CEP192: variants seen among roughly 807,000 people sequenced by gnomAD.
CEP192 encodes the protein centrosomal protein 192, also known as centrosomal protein of 192 kDa.
In CEP192, 151 loss-of-function variants were observed where a neutral mutation model predicts 271.8. The observed-to-expected ratio is 0.56, with a 90% CI of 0.49 to 0.64. The LOEUF (loss-of-function observed/expected upper bound fraction) is 0.64, where lower values mean the gene tolerates loss of function less well. Among genes scored for constraint, CEP192 ranks in the 30% least tolerant of loss-of-function variants. The probability of loss-of-function intolerance (pLI) is 0.00; values close to 1 mark genes in which losing one functional copy is unlikely to be tolerated. For missense variants in CEP192, 2,910 were observed against 3,020.5 expected, an observed-to-expected ratio of 0.96 and a Z score of 0.86; for synonymous variants, 995 against 1,076.5, an observed-to-expected ratio of 0.92 and a Z score of 1.48.
intron 30 of CEP192, among the ~76,000 whole-genome samples, chr18:13,086,169 G>A (rs2038887932): frequency 6.6e-6 from 1 of 152,164 alleles, no homozygotes; most frequent in Non-Finnish European, 1.5e-5. Context: ...GTTTACTCAT[G>A]ATTTGGCCCT....
intron 44 of CEP192, among the ~76,000 whole-genome samples, chr18:13,120,466 G>T (rs142796916): frequency 1.5e-3 from 226 of 152,268 alleles, no homozygotes; most frequent in South Asian, 1.9e-3. Context: ...CTGCATTCCT[G>T]TGCAGCCTGT....
intron 28 of CEP192, among the ~76,000 whole-genome samples, chr18:13,071,531 CA>C (rs2038013755): frequency 6.6e-6 from 1 of 152,150 alleles, no homozygotes; most frequent in Non-Finnish European, 1.5e-5. Context: ...AGAGAATATG[CA>C]GTACATCCAT....
chr18:13,090,926 A>G (rs745966703), intron 33 of CEP192, among the ~76,000 whole-genome samples: 4 of 152,306 alleles, frequency 2.6e-5, no homozygotes, highest in Non-Finnish European at 4.4e-5. Context: ...CCATATAGCA[A>G]CAGTCCTCTC....
intron 44 of CEP192, among the ~76,000 whole-genome samples, chr18:13,120,803 C>T (rs2040624914): frequency 6.6e-6 from 1 of 152,178 alleles, no homozygotes; most frequent in African/African-American, 2.4e-5. Flanking sequence ...TTAATAGCAG[C>T]AGTTCATTGT....
chr18:13,030,426 A>C, intron 10 of CEP192, 39 bp from the exon 11 acceptor site: 2 of 1,492,150 alleles, frequency 1.3e-6, no homozygotes, highest in Non-Finnish European at 1.8e-6. Flanking sequence ...TTTAGTTGTT[A>C]CATGTGTCAT....
chr18:13,001,425 C>T lies in CEP192; in HGVS notation c.165-32C>T, dbSNP rs569650034. ...ACATTTAAATATGTGTAATTTAATT[C>T]TTAACAATTAAAACAAATTTTTTTT... is the stretch of plus-strand genomic sequence containing the variant. On this transcript the variant is annotated intron_variant, in intron 2 of 44. Coordinates refer to ENST00000506447, the MANE Select transcript of CEP192 (RefSeq NM_032142.4). The T allele has an allele frequency of 1.9e-5, 27 of 1,437,298 alleles. 1 individual carries two copies. In the South Asian group the frequency reaches 3.4e-4, roughly 18 times the overall value. The allele number at this position is 1,437,298 out of a possible 1,614,324, so 89.0% of individuals were successfully genotyped here. A position where few individuals can be genotyped will look rare whatever the true frequency, so the allele number is the denominator to read the frequency against.
Position 13,048,969 on chromosome 18 carries a change from A to G in CEP192, c.2178A>G (p.Ser726=). The change falls in exon 16 of 45, where the codon TCA becomes TCG. Residue 726 remains serine (S), a synonymous_variant. Coordinates refer to ENST00000506447, the MANE Select transcript of CEP192 (RefSeq NM_032142.4). ...STIASAIAEA[S]VNTDPSQLAA... is the part of the protein sequence containing the mutation. The stretch of plus-strand genomic sequence containing the variant: ...TTGCTTCAGCCATTGCAGAGGCATC[A>G]GTTAATACTGATCCTTCCCAACTTG... 1.2e-6 allele frequency: 2 copies of G among 1,614,032 alleles called. No individual in the cohort carries two copies. Among genetic ancestry groups the G allele is most frequent in the Non-Finnish European group, 1.7e-6 (2 of 1,179,868 alleles).
intron 21 of CEP192, among the ~76,000 whole-genome samples, chr18:13,060,905 C>G (rs2037374863): frequency 6.8e-6 from 1 of 147,906 alleles, no homozygotes; most frequent in Admixed American, 6.8e-5. Context: ...GCCTGGGCAA[C>G]AGAGCGAGAC....
At chr18:13,085,741 C>G (rs1480928143) in intron 30 of CEP192, among the ~76,000 whole-genome samples, 1 of 151,942 alleles carries the variant, frequency 6.6e-6, no homozygotes, top group African/African-American at 2.4e-5. Flanking sequence ...CTATTCTGTT[C>G]CATTTGTCTG....
chr18:13,123,624 C>T (rs1428487418), intron 44 of CEP192, among the ~76,000 whole-genome samples: 1 of 152,122 alleles, frequency 6.6e-6, no homozygotes, highest in Non-Finnish European at 1.5e-5. Flanking sequence ...AGAACTTTCA[C>T]TTAAAAACGC....
chr18:13,058,907 T>C, intron 20 of CEP192, 175 bp from the exon 21 acceptor site: 2 of 597,962 alleles, frequency 3.3e-6, no homozygotes, highest in Non-Finnish European at 5.9e-6. Flanking sequence ...AGGAAGCATT[T>C]GACTCGTTGT....
At chr18:13,070,825 C>T (rs1028977635) in intron 27 of CEP192, among the ~76,000 whole-genome samples, 2 of 152,156 alleles carry the variant, frequency 1.3e-5, no homozygotes, top group Non-Finnish European at 2.9e-5. Flanking sequence ...AATAGCATTC[C>T]CAAAGCACGA....
At chr18:13,071,006 A>G (rs751152559) in intron 27 of CEP192, 33 bp from the exon 28 acceptor site, 7 of 1,578,324 alleles carry the variant, frequency 4.4e-6, no homozygotes, top group Non-Finnish European at 6.1e-6. Context: ...AATTGAATAC[A>G]GGACCTTCAA....
intron 34 of CEP192, among the ~76,000 whole-genome samples, chr18:13,095,043 A>AT (rs1293580797): frequency 6.6e-6 from 1 of 152,050 alleles, no homozygotes; most frequent in Non-Finnish European, 1.5e-5. Flanking sequence ...TACTTTACGT[A>AT]TTTTTTTAAA....
chr18:13,108,670 C>CT (rs1177705293), intron 40 of CEP192, among the ~76,000 whole-genome samples: 2 of 152,292 alleles, frequency 1.3e-5, no homozygotes, highest in Admixed American at 6.5e-5. Context: ...TGGCGAAACT[C>CT]TGTCTCTACA....
intron 43 of CEP192, 75 bp downstream of exon 43, chr18:13,116,578 A>T: frequency 7.3e-7 from 1 of 1,367,338 alleles, no homozygotes; most frequent in Non-Finnish European, 1.0e-6. Context: ...TTTCCTGATG[A>T]TTCTGTAGAC....
intron 2 of CEP192, among the ~76,000 whole-genome samples, chr18:13,000,722 A>C (rs2033587727): frequency 6.6e-6 from 1 of 152,242 alleles, no homozygotes; most frequent in Admixed American, 6.5e-5. Context: ...TGGGAGGCCA[A>C]GGCGGGCAGA....
At position 13,053,056 on chromosome 18, in the gene CEP192, C is replaced by T; in HGVS notation, c.3155C>T (p.Thr1052Ile). ...TCTGAACCAGAGAGCTCCTATCCTACCACAGCCACAGATGATGCCCTGGAG... is the reference window on the plus strand; with the variant it reads ...TCTGAACCAGAGAGCTCCTATCCTATCACAGCCACAGATGATGCCCTGGAG... ...YVSEPESSYP[T>I]TATDDALEDR... is the part of the protein sequence containing the mutation. Residue 1052 changes from threonine (T) to isoleucine (I), a missense_variant, in exon 18 of 45, where the codon ACC becomes ATC. Transcript: ENST00000506447. 7 of 1,612,702 alleles carry T rather than the reference C, an allele frequency of 4.3e-6. No homozygotes were observed. The highest frequency in any genetic ancestry group is 5.9e-6 in the Non-Finnish European group (7 of 1,179,254).
At chr18:13,049,956 AT>A in intron 17 of CEP192, 65 bp downstream of exon 17, 7 of 1,381,264 alleles carry the variant, frequency 5.1e-6, no homozygotes, top group Non-Finnish European at 7.0e-6. Flanking sequence ...TGGGAAAAAA[AT>A]GTGTAAAGAA....
Sources: gnomAD v4.1 joint callset for allele counts (sites outside exome capture counted in the v4.1 genomes callset) on GRCh38, gnomAD v4.1.1 for gene constraint, MANE v1.5 for transcripts, NCBI Gene and HGNC (gene_info 2026-07-23, HGNC 2026-07-21) for gene names.